KLF13: variants seen among roughly 807,000 people sequenced by gnomAD.
KLF13 encodes Krueppel-like factor 13.
Under a neutral mutation model 16.7 loss-of-function variants are expected in KLF13, and 8 were observed. That is an observed-to-expected ratio of 0.48 (90% CI 0.28 to 0.87). The LOEUF (loss-of-function observed/expected upper bound fraction) is 0.87. Ranked by LOEUF, KLF13 falls within the 40% of genes least tolerant of loss-of-function variation. KLF13 has a pLI of 0.10. For missense variants in KLF13, 447 were observed against 452.2 expected (o/e 0.99, Z 0.10); for synonymous variants, 245 against 208.4 (o/e 1.18, Z -1.51).
intron 1 of KLF13, among the ~76,000 whole-genome samples, chr15:31,416,656 C>T (rs1595509439): frequency 6.6e-6 from 1 of 152,078 alleles, no homozygotes; most frequent in African/African-American, 2.4e-5. Context: ...ATTTATAAAA[C>T]ACCCATATCA....
chr15:31,328,113 G>A (rs2038753805), intron 1 of KLF13, among the ~76,000 whole-genome samples: 3 of 149,966 alleles, frequency 2.0e-5, no homozygotes. Flanking sequence ...CCGGGAGGCG[G>A]CGCGGGCAGG....
In KLF13 at chr15:31,373,653, A is replaced by T. The variant is rs938192242; in HGVS notation, c.*1354A>T. The T allele has an allele frequency of 1.3e-5, 2 of 152,116 alleles. No homozygotes were observed. Among genetic ancestry groups the T allele is most frequent in the Admixed American group, 6.5e-5 (1 of 15,278 alleles). The allele number at this position is 152,116 out of a possible 1,614,324, so 9.4% of individuals were successfully genotyped here. A position where few individuals can be genotyped will look rare whatever the true frequency, so the allele number is the denominator to read the frequency against. On this transcript the variant is annotated 3_prime_UTR_variant, in exon 2 of 2. Transcript: ENST00000307145. The stretch of plus-strand genomic sequence containing the variant: ...GCCCCATCACCGGCCTTCTCCTGGC[A>T]GGAGAGGAGGAGCAGAGAGCTGGGT...
At chr15:31,350,766 C>T (rs2039203684) in intron 1 of KLF13, among the ~76,000 whole-genome samples, 1 of 152,238 alleles carries the variant, frequency 6.6e-6, no homozygotes, top group South Asian at 2.1e-4. Context: ...TGAGAAGGGC[C>T]TTAGAGGTGG....
chr15:31,420,735 C>T (rs995271387), intron 1 of KLF13: 1 of 262,684 alleles, frequency 3.8e-6, no homozygotes, highest in Non-Finnish European at 7.4e-6. Flanking sequence ...CTCTGTTGCC[C>T]AGGCTGGAGT....
At chr15:31,349,327 G>A (rs908654837) in intron 1 of KLF13, among the ~76,000 whole-genome samples, 1 of 152,224 alleles carries the variant, frequency 6.6e-6, no homozygotes, top group African/African-American at 2.4e-5. Context: ...GCCGCCACCT[G>A]TGCAGATTAT....
chr15:31,327,161 G>C lies in KLF13; in HGVS notation c.-52G>C, dbSNP rs1257909528. On this transcript the variant is annotated 5_prime_UTR_variant, in exon 1 of 2. The change abolishes an upstream ATG in the 5' untranslated region. Transcript: ENST00000307145. The stretch of plus-strand genomic sequence containing the variant: ...CTCTCCCGAGGCCGTGGGTGCGGAT[G>C]CGCGGCTGACGACTCGCAGCAAGAG... The C allele has an allele frequency of 1.6e-5, 19 of 1,158,154 alleles. No homozygotes were observed. The highest frequency in any genetic ancestry group is 2.0e-5 in the Non-Finnish European group (19 of 936,302). The allele number at this position is 1,158,154 out of a possible 1,614,324, so 71.7% of individuals were successfully genotyped here. A position where few individuals can be genotyped will look rare whatever the true frequency, so the allele number is the denominator to read the frequency against.
chr15:31,401,008 A>ATTT (rs11377617), intron 2 of KLF13, among the ~76,000 whole-genome samples: 3 of 147,806 alleles, frequency 2.0e-5, no homozygotes, highest in African/African-American at 7.5e-5. Flanking sequence ...TAAATAAACA[A>ATTT]TTTTTTTTTT....
intron 1 of KLF13, among the ~76,000 whole-genome samples, chr15:31,417,711 T>G (rs778841519): frequency 2.6e-5 from 4 of 151,684 alleles, no homozygotes; most frequent in Non-Finnish European, 5.9e-5. Flanking sequence ...TTTGCTAATT[T>G]TTGTATTTTT....
At chr15:31,405,002 A>G (rs911640979), downstream of KLF13, among the ~76,000 whole-genome samples, 3 of 152,210 alleles carry the variant, frequency 2.0e-5, no homozygotes, top group Admixed American at 6.5e-5. Flanking sequence ...TTGTAGTAGG[A>G]TAAAACCAAT....
At chr15:31,342,981 C>A (rs757696784) in intron 1 of KLF13, among the ~76,000 whole-genome samples, 3 of 152,240 alleles carry the variant, frequency 2.0e-5, no homozygotes, top group Non-Finnish European at 2.9e-5. Context: ...ACACTTGTGC[C>A]TGTTCCCCAG....
Position 31,372,325 on chromosome 15 carries a change from T to C in KLF13, c.*26T>C. On this transcript the variant is annotated 3_prime_UTR_variant, in exon 2 of 2. Coordinates refer to ENST00000307145, the MANE Select transcript of KLF13 (RefSeq NM_015995.4). ...GCCCGCCACAGCCATGAGCAGCCGC[T>C]CCCACCCCCTCGTGAGTCCCTGGCC... 2 of 1,440,014 alleles carry C rather than the reference T, an allele frequency of 1.4e-6. No individual in the cohort carries two copies. Among genetic ancestry groups the C allele is most frequent in the South Asian group, 1.5e-5 (1 of 68,910 alleles). 89.2% of individuals were successfully genotyped at this position (1,440,014 alleles called of 1,614,324 possible). A position where few individuals can be genotyped will look rare whatever the true frequency, so the allele number is the denominator to read the frequency against.
chr15:31,335,124 G>A (rs1160023127), intron 1 of KLF13, among the ~76,000 whole-genome samples: 2 of 152,140 alleles, frequency 1.3e-5, no homozygotes, highest in Admixed American at 1.3e-4. Flanking sequence ...CATGCTTGCT[G>A]AATGGGGGAG....
At chr15:31,402,886 G>A (rs565830198) in intron 2 of KLF13, among the ~76,000 whole-genome samples, 18 of 152,024 alleles carry the variant, frequency 1.2e-4, no homozygotes, top group African/African-American at 4.3e-4. Flanking sequence ...ACTTTTAAGT[G>A]TTTGCCTTGG....
At chr15:31,329,396 A>G (rs1398486881) in intron 1 of KLF13, among the ~76,000 whole-genome samples, 2 of 151,836 alleles carry the variant, frequency 1.3e-5, no homozygotes, top group Non-Finnish European at 2.9e-5. Context: ...CGTGCTGGGC[A>G]GGATACTTAA....
rs760905478 is a variant in KLF13 at position 31,327,263 on chromosome 15, C to A, written c.51C>A (p.Ser17=). ...VDHFAAECLV[S]MSSRAVVHGP... ...ACTTCGCCGCCGAGTGCCTCGTGTC[C>A]ATGTCGAGCCGCGCGGTCGTGCACG... Residue 17 remains serine (S), a synonymous_variant, in exon 1 of 2, where the codon TCC becomes TCA. Transcript: ENST00000307145. The A allele has an allele frequency of 9.3e-5, 128 of 1,373,992 alleles. 1 individual carries two copies. In the South Asian group the frequency reaches 1.7e-3, roughly 19 times the overall value. The allele number at this position is 1,373,992 out of a possible 1,614,324, so 85.1% of individuals were successfully genotyped here.
At chr15:31,353,324 C>G (rs2039245978) in intron 1 of KLF13, among the ~76,000 whole-genome samples, 1 of 152,142 alleles carries the variant, frequency 6.6e-6, no homozygotes. Context: ...GAAACCTGTC[C>G]CAGGCGTTCT....
intron 1 of KLF13, among the ~76,000 whole-genome samples, chr15:31,349,572 A>G (rs1276500683): frequency 6.6e-6 from 1 of 152,206 alleles, no homozygotes; most frequent in Non-Finnish European, 1.5e-5. Flanking sequence ...CTTGCCTCTG[A>G]TACTTCACTG....
At chr15:31,432,087 G>A (rs1379682677) in intron 1 of KLF13, among the ~76,000 whole-genome samples, 3 of 152,160 alleles carry the variant, frequency 2.0e-5, no homozygotes, top group Admixed American at 6.5e-5. Flanking sequence ...CTGGATGTAT[G>A]TTATATTTCA....
intron 1 of KLF13, among the ~76,000 whole-genome samples, chr15:31,430,067 G>T (rs573133437): frequency 6.6e-6 from 1 of 152,224 alleles, no homozygotes; most frequent in African/African-American, 2.4e-5. Flanking sequence ...ATCATGCTCT[G>T]TTGCCTTGGT....
Sources: allele counts gnomAD v4.1 joint callset (sites outside exome capture counted in the v4.1 genomes callset), GRCh38; gene constraint gnomAD v4.1.1; transcripts MANE v1.5; gene names NCBI Gene and HGNC (gene_info 2026-07-23, HGNC 2026-07-21).